Variants in GJB7 observed in about 807,000 individuals in gnomAD.
GJB7 encodes gap junction protein beta 7.
For missense variants in GJB7, 253 were observed against 256.8 expected (o/e 0.99, Z 0.10); for synonymous variants, 87 against 95.2 (o/e 0.91, Z 0.50).
chr6:87,318,666 A>G lies in GJB7; in HGVS notation c.-28+4200T>C, dbSNP rs1464750000. On this transcript the variant is annotated intron_variant, in intron 2 of 2. Coordinates refer to ENST00000525899, the MANE Select transcript of GJB7 (RefSeq NM_198568.3). ...AAATAAATCACAAGGGTGACCCCCC[A>G]GAGTCAGAGTGGGAGAGCATGGATA... Among the ~76,000 whole-genome samples the G allele has an allele frequency of 3.3e-5, 5 of 152,222 alleles. No homozygotes were observed. The East Asian group carries it at 9.6e-4, about 29-fold the overall frequency.
intron 2 of GJB7, among the ~76,000 whole-genome samples, chr6:87,309,111 C>T (rs1776478864): frequency 1.3e-5 from 2 of 152,136 alleles, no homozygotes; most frequent in African/African-American, 4.8e-5. Context: ...GGAAGAGAAG[C>T]CACAGCCTTG....
chr6:87,310,126 T>C (rs1375651531), intron 2 of GJB7, among the ~76,000 whole-genome samples: 1 of 152,174 alleles, frequency 6.6e-6, no homozygotes, highest in Non-Finnish European at 1.5e-5. Flanking sequence ...TCATCTTGAT[T>C]GCTAACTCAC....
At chr6:87,288,469 T>A (rs1179717625) in intron 2 of GJB7, among the ~76,000 whole-genome samples, 2 of 152,220 alleles carry the variant, frequency 1.3e-5, no homozygotes, top group African/African-American at 2.4e-5. Flanking sequence ...TGCCTCTACA[T>A]ATATGTCAAT....
At chr6:87,303,262 G>A (rs1776364713) in intron 2 of GJB7, among the ~76,000 whole-genome samples, 1 of 152,122 alleles carries the variant, frequency 6.6e-6, no homozygotes, top group Admixed American at 6.5e-5. Context: ...ACCCATCAGT[G>A]TGCTGTATTC....
chr6:87,315,811 A>G (rs901844030), intron 2 of GJB7, among the ~76,000 whole-genome samples: 7 of 151,508 alleles, frequency 4.6e-5, no homozygotes, highest in Admixed American at 3.3e-4. Flanking sequence ...AAAAAAAAAA[A>G]AAAAAGAAAG....
chr6:87,306,966 T>C (rs1231127327), intron 2 of GJB7, among the ~76,000 whole-genome samples: 2 of 152,046 alleles, frequency 1.3e-5, no homozygotes, highest in African/African-American at 2.4e-5. Context: ...TAGGTGGGAA[T>C]TGAACAATGG....
chr6:87,303,987 G>C (rs544747068), intron 2 of GJB7, among the ~76,000 whole-genome samples: 1 of 152,248 alleles, frequency 6.6e-6, no homozygotes, highest in South Asian at 2.1e-4. Flanking sequence ...TAAGAACAAA[G>C]ACACAACATA....
intron 2 of GJB7, among the ~76,000 whole-genome samples, chr6:87,304,493 A>C (rs1399030926): frequency 6.6e-6 from 1 of 152,234 alleles, no homozygotes; most frequent in East Asian, 1.9e-4. Flanking sequence ...TGAATCCCTG[A>C]ATAGACCAAT....
At position 87,329,214 on chromosome 6, in the gene GJB7, T is replaced by A. The variant is rs981694080; in HGVS notation, c.-282A>T. 2 of 154,594 alleles carry A rather than the reference T, an allele frequency of 1.3e-5. No individual in the cohort carries two copies. The highest frequency in any genetic ancestry group is 4.8e-5 in the African/African-American group (2 of 41,480). The allele number at this position is 154,594 out of a possible 1,614,324, so 9.6% of individuals were successfully genotyped here. A position where few individuals can be genotyped will look rare whatever the true frequency, so the allele number is the denominator to read the frequency against. ...GGAAATGCAGAAATCACCCATCTTC[T>A]GCGTTGCTCACTCTGGGAGCTGTAG... On this transcript the variant is annotated 5_prime_UTR_variant, in exon 1 of 3. Transcript: ENST00000525899.
intron 2 of GJB7, among the ~76,000 whole-genome samples, chr6:87,288,391 C>A (rs981665783): frequency 6.6e-6 from 1 of 152,068 alleles, no homozygotes; most frequent in Admixed American, 6.6e-5. Flanking sequence ...ACAAAGCAAG[C>A]CAATTAACGG....
rs1354137248 is a variant in GJB7 at position 87,307,143 on chromosome 6, G to T, written c.-28+15723C>A. 8.0e-5 allele frequency among the ~76,000 whole-genome samples: 12 copies of T among 150,728 alleles called. No homozygotes were observed. In the South Asian group the frequency reaches 2.5e-3, roughly 32 times the overall value. On this transcript the variant is annotated intron_variant, in intron 2 of 2. Coordinates refer to ENST00000525899, the MANE Select transcript of GJB7 (RefSeq NM_198568.3). ...TACATATGTAACTAACCTGCACATT[G>T]TGCACATGTACCCTAAAACTTAAAG...
At chr6:87,312,158 A>G (rs1776519404) in intron 2 of GJB7, among the ~76,000 whole-genome samples, 1 of 152,062 alleles carries the variant, frequency 6.6e-6, no homozygotes. Context: ...GTAGACTTAG[A>G]ATTTGTATGC....
intron 1 of GJB7, among the ~76,000 whole-genome samples, chr6:87,326,828 C>T (rs1776834031): frequency 8.3e-6 from 1 of 120,220 alleles, no homozygotes; most frequent in Admixed American, 8.0e-5. Flanking sequence ...TCCTTGTTGA[C>T]TTTCTGTCTC....
intron 1 of GJB7, among the ~76,000 whole-genome samples, chr6:87,323,706 G>A (rs1244491978): frequency 6.6e-6 from 1 of 152,154 alleles, no homozygotes; most frequent in Admixed American, 6.5e-5. Context: ...CCAGGTCTTT[G>A]CTATTGTGAA....
intron 2 of GJB7, among the ~76,000 whole-genome samples, chr6:87,292,776 G>A (rs1776196426): frequency 6.6e-6 from 1 of 152,174 alleles, no homozygotes; most frequent in African/African-American, 2.4e-5. Context: ...CTTCATTTTA[G>A]AGATGAGAAA....
At position 87,284,169 on chromosome 6, in the gene GJB7, C is replaced by T; in HGVS notation, c.*72G>A. On this transcript the variant is annotated 3_prime_UTR_variant, in exon 3 of 3. Coordinates refer to ENST00000525899, the MANE Select transcript of GJB7 (RefSeq NM_198568.3). ...CAGGTAGAGGGAGTGTGTTTATGGCCAAGTGTGAAGATTCTGGAGTAGGGG... is the reference window on the plus strand; with the variant it reads ...CAGGTAGAGGGAGTGTGTTTATGGCTAAGTGTGAAGATTCTGGAGTAGGGG... 8.0e-7 allele frequency: 1 copy of T among 1,256,280 alleles called. No individual in the cohort carries two copies. The highest frequency in any genetic ancestry group is 1.1e-6 in the Non-Finnish European group (1 of 885,314). 77.8% of individuals were successfully genotyped at this position (1,256,280 alleles called of 1,614,324 possible).
intron 2 of GJB7, among the ~76,000 whole-genome samples, chr6:87,302,316 T>C (rs1315099769): frequency 1.3e-5 from 2 of 151,786 alleles, no homozygotes; most frequent in Non-Finnish European, 2.9e-5. Context: ...GAATAACCAG[T>C]GTAGAGAAGT....
At position 87,284,790 on chromosome 6, in the gene GJB7, C is replaced by T; in HGVS notation, c.123G>A (p.Glu41=). 6.2e-7 allele frequency: 1 copy of T among 1,614,146 alleles called. No homozygotes were observed. Among genetic ancestry groups the T allele is most frequent in the South Asian group, 1.1e-5 (1 of 91,086 alleles). The part of the protein sequence containing the change: ...FRLLVYMVAA[E]HVWKDEQKEF... ...CTTTCTGCTCATCTTTCCACACGTG[C>T]TCTGCTGCCACCATGTAGACCAGCA... is the stretch of plus-strand genomic sequence containing the variant. The change falls in exon 3 of 3, where the codon GAG becomes GAA. Residue 41 remains glutamate, a synonymous_variant. Coordinates refer to ENST00000525899, the MANE Select transcript of GJB7 (RefSeq NM_198568.3).
At chr6:87,320,689 A>T (rs1776644124) in intron 2 of GJB7, among the ~76,000 whole-genome samples, 4 of 152,224 alleles carry the variant, frequency 2.6e-5, no homozygotes, top group African/African-American at 9.6e-5. Context: ...ATCTCAAAGC[A>T]GCGTGGGGGT....
Sources: gnomAD v4.1 joint callset for allele counts (sites outside exome capture counted in the v4.1 genomes callset) on GRCh38, gnomAD v4.1.1 for gene constraint, MANE v1.5 for transcripts, NCBI Gene and HGNC (gene_info 2026-07-23, HGNC 2026-07-21) for gene names.